ZNF346: variants seen among roughly 807,000 people sequenced by gnomAD.
ZNF346 encodes the protein zinc finger protein 346.
A neutral mutation model predicts 33.7 loss-of-function variants in ZNF346; 23 were observed. That is an observed-to-expected ratio of 0.68 (90% CI 0.49 to 0.97). The LOEUF (loss-of-function observed/expected upper bound fraction) is 0.97. Ranked by LOEUF, ZNF346 falls within the 50% of genes least tolerant of loss-of-function variation. ZNF346 has a pLI of 0.00. For synonymous variants in ZNF346, 134 were observed against 142.4 expected (o/e 0.94, Z 0.42); for missense variants, 340 against 371.1 (o/e 0.92, Z 0.69).
chr5:177,035,918 C>T (rs1014804613), intron 1 of ZNF346, among the ~76,000 whole-genome samples: 81 of 151,786 alleles, frequency 5.3e-4, no homozygotes, highest in African/African-American at 1.7e-3. Flanking sequence ...GTATTACAGG[C>T]GTGAGCTACC....
chr5:177,073,147 A>G (rs1461798120), intron 8 of ZNF346, among the ~76,000 whole-genome samples: 1 of 152,204 alleles, frequency 6.6e-6, no homozygotes, highest in Non-Finnish European at 1.5e-5. Context: ...GCTTGAGGGC[A>G]GGAATTGGGT....
intron 3 of ZNF346, chr5:177,042,182 G>C (rs899670830): frequency 4.8e-6 from 1 of 207,176 alleles, no homozygotes; most frequent in African/African-American, 2.3e-5. Context: ...TGGTTTGTTA[G>C]AGCAAGACAA....
chr5:177,054,315 C>T (rs149956947), intron 5 of ZNF346, among the ~76,000 whole-genome samples: 1,750 of 152,152 alleles, frequency 0.012, 11 homozygotes, highest in South Asian at 0.025. Context: ...AAGCGATCCA[C>T]CCACCTTGGC....
At chr5:177,073,358 C>T (rs1484217173) in intron 8 of ZNF346, among the ~76,000 whole-genome samples, 1 of 152,194 alleles carries the variant, frequency 6.6e-6, no homozygotes, top group African/African-American at 2.4e-5. Flanking sequence ...GGCTGGAATG[C>T]AGTGGTGCAA....
chr5:177,071,059 T>C (rs1221486976), downstream of ZNF346, among the ~76,000 whole-genome samples: 2 of 152,136 alleles, frequency 1.3e-5, no homozygotes, highest in African/African-American at 4.8e-5. Flanking sequence ...GACATGTACC[T>C]GTATAGCAGC....
At chr5:177,047,034 A>T (rs1478467265) in intron 4 of ZNF346, among the ~76,000 whole-genome samples, 17 of 59,908 alleles carry the variant, frequency 2.8e-4, no homozygotes, top group South Asian at 1.9e-3. Context: ...ATTTATTTTT[A>T]TTTATTTATT....
intron 5 of ZNF346, among the ~76,000 whole-genome samples, chr5:177,060,658 A>G (rs1433122843): frequency 1.3e-5 from 2 of 152,152 alleles, no homozygotes; most frequent in African/African-American, 4.8e-5. Context: ...CTAAAAATAG[A>G]AAAATTAGGC....
intron 4 of ZNF346, among the ~76,000 whole-genome samples, chr5:177,049,748 GT>G (rs1780602970): frequency 2.6e-5 from 4 of 152,296 alleles, no homozygotes; most frequent in African/African-American, 9.6e-5. Context: ...CTGAGCCTCA[GT>G]TTTTCTGAAT....
At chr5:177,041,100 A>G (rs200455133) in intron 1 of ZNF346, 26 bp from the exon 2 acceptor site, 27 of 1,573,510 alleles carry the variant, frequency 1.7e-5, no homozygotes, top group African/African-American at 8.1e-5. Context: ...TGTCAACTCA[A>G]TGATTTCTTG....
At chr5:177,044,647 C>G (rs1779798426) in intron 4 of ZNF346, 114 bp downstream of exon 4, 2 of 1,142,654 alleles carry the variant, frequency 1.8e-6, no homozygotes. Context: ...AGTTGAATTG[C>G]TTTTGAGAAC....
chr5:177,030,325 ATGTAGTGCAAC>A, intron 1 of ZNF346, among the ~76,000 whole-genome samples: 1 of 152,084 alleles, frequency 6.6e-6, no homozygotes, highest in East Asian at 2.0e-4. Context: ...GTCCTTTTAA[ATGTAGTGCAAC>A]TGGGCTGGGG....
At chr5:177,025,450 ACT>A (rs772061609) in intron 1 of ZNF346, among the ~76,000 whole-genome samples, 2 of 151,738 alleles carry the variant, frequency 1.3e-5, no homozygotes, top group Non-Finnish European at 2.9e-5. Context: ...TCATATCGTA[ACT>A]CTGACATTTT....
At chr5:177,041,748 A>G (rs1779364827) in intron 2 of ZNF346, 30 bp from the exon 3 acceptor site, 1 of 1,415,870 alleles carries the variant, frequency 7.1e-7, no homozygotes, top group Non-Finnish European at 1.0e-6. Context: ...GCATTTGGCT[A>G]TCTTTGATCT....
chr5:177,063,791 A>C (rs184720076), intron 6 of ZNF346, among the ~76,000 whole-genome samples: 14 of 152,240 alleles, frequency 9.2e-5, no homozygotes, highest in African/African-American at 3.1e-4. Context: ...GAGAGGCTGA[A>C]GTGGGAGAAT....
intron 1 of ZNF346, among the ~76,000 whole-genome samples, chr5:177,040,904 T>G (rs1415392873): frequency 6.6e-6 from 1 of 152,144 alleles, no homozygotes; most frequent in Non-Finnish European, 1.5e-5. Flanking sequence ...AGTTCCTAAG[T>G]AAAGAAAGTT....
At chr5:177,069,876 G>A (rs1212963218), downstream of ZNF346, among the ~76,000 whole-genome samples, 1 of 151,914 alleles carries the variant, frequency 6.6e-6, no homozygotes, top group Non-Finnish European at 1.5e-5. Flanking sequence ...TGCCCAGGCT[G>A]GTCTCAAACT....
chr5:177,044,322 G>A, intron 3 of ZNF346, 67 bp from the exon 4 acceptor site: 1 of 1,594,716 alleles, frequency 6.3e-7, no homozygotes, highest in Non-Finnish European at 8.6e-7. Context: ...ATGGGCAGTG[G>A]GGAACCATTG....
Position 177,066,936 on chromosome 5 carries a change from T to C in ZNF346, c.*2337T>C, listed in dbSNP as rs1272070778. Among the ~76,000 whole-genome samples the C allele has an allele frequency of 1.3e-5, 2 of 151,910 alleles. No individual in the cohort carries two copies. The highest frequency in any genetic ancestry group is 2.1e-4 in the South Asian group (1 of 4,790). On this transcript the variant is annotated 3_prime_UTR_variant, in exon 7 of 7. Transcript: ENST00000358149. ...AATCAGCTGCGCCTGGTGGCACACA[T>C]CTGTAGTCCCAGCTACTTGGGAGGC...
chr5:177,064,572 G>A lies in ZNF346; in HGVS notation c.858G>A (p.Gln286=). The A allele has an allele frequency of 6.2e-7, 1 of 1,614,206 alleles. No individual in the cohort carries two copies. Among genetic ancestry groups the A allele is most frequent in the Non-Finnish European group, 8.5e-7 (1 of 1,180,026 alleles). ...TTCCAATGCAAAGGCAACCCATTCA[G>A]AAAGACTCAACCACCTTGGAAGACT... ...GQIPMQRQPI[Q]KDSTTLED The change falls in exon 7 of 7, where the codon CAG becomes CAA. Residue 286 remains glutamine (Q), a synonymous_variant. Transcript: ENST00000358149.
Sources: gnomAD v4.1 joint callset for allele counts (sites outside exome capture counted in the v4.1 genomes callset) on GRCh38, gnomAD v4.1.1 for gene constraint, MANE v1.5 for transcripts, NCBI Gene and HGNC (gene_info 2026-07-23, HGNC 2026-07-21) for gene names.